Variants in ANKHD1 observed in about 807,000 individuals in gnomAD.
ANKHD1 encodes the protein ankyrin repeat and KH domain-containing protein 1.
A neutral mutation model predicts 230.5 loss-of-function variants in ANKHD1; 31 were observed. That is an observed-to-expected ratio of 0.13 (90% CI 0.10 to 0.18). The LOEUF (loss-of-function observed/expected upper bound fraction) is 0.18. Ranked by LOEUF, ANKHD1 falls within the 10% of genes least tolerant of loss-of-function variation. The pLI, the probability that ANKHD1 is intolerant of heterozygous loss-of-function variation, is 1.00. For missense variants in ANKHD1, 2,256 were observed against 3,071.3 expected, an observed-to-expected ratio of 0.73 and a Z score of 6.27; for synonymous variants, 1,074 against 1,117.6, an observed-to-expected ratio of 0.96 and a Z score of 0.78.
At chr5:140,451,006 G>A (rs767918091) in intron 7 of ANKHD1, among the ~76,000 whole-genome samples, 5 of 152,046 alleles carry the variant, frequency 3.3e-5, no homozygotes, top group Non-Finnish European at 7.4e-5. Context: ...ACAAAAATTA[G>A]CCAGGCGTGG....
At chr5:140,450,529 G>A (rs1337690355) in intron 7 of ANKHD1, among the ~76,000 whole-genome samples, 2 of 150,434 alleles carry the variant, frequency 1.3e-5, no homozygotes, top group African/African-American at 4.9e-5. Context: ...TTTTTCTATT[G>A]GTCTCTCTCT....
At position 140,539,338 on chromosome 5, in the gene ANKHD1, AT is replaced by A. The variant is rs1754207559; in HGVS notation, c.7570-16del. On this transcript the variant is annotated intron_variant, in intron 33 of 33. Transcript: ENST00000360839. ...TAAAGATTCCTAATTAGAAATTCCA[AT>A]TTTTCCTCCCCCTTTTCAGATTTGG... is the stretch of plus-strand genomic sequence containing the variant. 1 of 1,611,746 alleles carries A rather than the reference AT, an allele frequency of 6.2e-7. No homozygotes were observed. The highest frequency in any genetic ancestry group is 8.5e-7 in the Non-Finnish European group (1 of 1,179,376).
At chr5:140,460,646 A>G (rs1775636374) in intron 9 of ANKHD1, among the ~76,000 whole-genome samples, 1 of 152,062 alleles carries the variant, frequency 6.6e-6, no homozygotes, top group Non-Finnish European at 1.5e-5. Flanking sequence ...TCAGCCTCCC[A>G]GGTAGCTGGG....
rs772838208 is a variant in ANKHD1 at position 140,501,099 on chromosome 5, GT to G, written c.3005-3707del. Among the ~76,000 whole-genome samples, 1,244 of 136,926 alleles carry G rather than the reference GT, an allele frequency of 9.1e-3. 7 individuals carry two copies. Among genetic ancestry groups the G allele is most frequent in the African/African-American group, 0.03 (1,122 of 37,984 alleles). The allele number at this position is 136,926 out of a possible 152,430, so 89.8% of individuals were successfully genotyped here. On this transcript the variant is annotated intron_variant, in intron 15 of 33. Transcript: ENST00000360839. ...TTTAATATTTTATTTATAGGTTTTT[GT>G]TTTTTTTTTTTTTTGAGACGGAGTC...
intron 25 of ANKHD1, among the ~76,000 whole-genome samples, chr5:140,524,513 G>T (rs1370280538): frequency 6.6e-6 from 1 of 152,162 alleles, no homozygotes; most frequent in Non-Finnish European, 1.5e-5. Flanking sequence ...AAGCAATACA[G>T]TGAGAAGTTT....
chr5:140,504,971 G>A lies in ANKHD1; in HGVS notation c.3150+5G>A. ...TCAGTTGACATTGATGCACATGTGA[G>A]TAGATTGCTTTATTTAAACTTATTT... On this transcript the variant is annotated splice_donor_5th_base_variant and intron_variant, in intron 16 of 33. Coordinates refer to ENST00000360839, the MANE Select transcript of ANKHD1 (RefSeq NM_017747.3). The A allele has an allele frequency of 6.2e-7, 1 of 1,613,252 alleles. No homozygotes were observed. The highest frequency in any genetic ancestry group is 8.5e-7 in the Non-Finnish European group (1 of 1,179,824).
chr5:140,505,699 T>G, intron 17 of ANKHD1, 25 bp from the exon 18 acceptor site: 4 of 1,572,412 alleles, frequency 2.5e-6, no homozygotes, highest in Non-Finnish European at 3.4e-6. Flanking sequence ...ATAAATTTGT[T>G]TAAGATTTTC....
At chr5:140,439,912 A>G (rs995153712) in intron 3 of ANKHD1, among the ~76,000 whole-genome samples, 13 of 152,222 alleles carry the variant, frequency 8.5e-5, no homozygotes, top group Non-Finnish European at 1.6e-4. Flanking sequence ...GCTGGTTTCA[A>G]ATTCACTCAC....
At chr5:140,487,697 G>T (rs920770825) in intron 14 of ANKHD1, among the ~76,000 whole-genome samples, 1 of 152,094 alleles carries the variant, frequency 6.6e-6, no homozygotes, top group Non-Finnish European at 1.5e-5. Flanking sequence ...ATGTATAAAT[G>T]TACCTTCACT....
intron 4 of ANKHD1, 92 bp from the exon 5 acceptor site, chr5:140,440,903 G>C (rs1277050322): frequency 3.0e-6 from 4 of 1,337,350 alleles, no homozygotes; most frequent in Non-Finnish European, 3.8e-6. Flanking sequence ...CCCTATTCTA[G>C]AAGAATATCT....
Position 140,529,413 on chromosome 5 carries a change from C to G in ANKHD1, c.6467C>G (p.Pro2156Arg). The G allele has an allele frequency of 6.2e-7, 1 of 1,614,150 alleles. No homozygotes were observed. The highest frequency in any genetic ancestry group is 1.1e-5 in the South Asian group (1 of 91,084). ...MVPNATIHQD[P>R]QSIFVTNPVT... is the part of the protein sequence containing the mutation. ...CCAAATGCAACTATTCACCAGGATC[C>G]CCAGTCTATTTTTGTTACGAATCCA... Residue 2156 changes from proline to arginine, a missense_variant, in exon 29 of 34, where the codon CCC becomes CGC. Pro to Arg is a moderately radical substitution (Grantham distance 103, BLOSUM62 -2). Around this residue, in one of 13 missense-constraint regions of ANKHD1, gnomAD observed 778 missense variants for 966.5 expected, o/e 0.80. Coordinates refer to ENST00000360839, the MANE Select transcript of ANKHD1 (RefSeq NM_017747.3).
chr5:140,447,057 A>G (rs896650377), intron 6 of ANKHD1, among the ~76,000 whole-genome samples: 3 of 152,056 alleles, frequency 2.0e-5, no homozygotes, highest in Non-Finnish European at 4.4e-5. Context: ...TTACAGGTGC[A>G]TGCCACATGT....
At chr5:140,520,929 TA>T (rs370538341) in intron 24 of ANKHD1, among the ~76,000 whole-genome samples, 4,356 of 112,746 alleles carry the variant, frequency 0.039, 164 homozygotes, top group African/African-American at 0.12. Context: ...TAAAGTATAA[TA>T]AAAAAAAAAA....
chr5:140,425,224 A>G (rs1772307891), intron 1 of ANKHD1, among the ~76,000 whole-genome samples: 2 of 152,182 alleles, frequency 1.3e-5, no homozygotes, highest in African/African-American at 4.8e-5. Flanking sequence ...CATGAAGCTA[A>G]CCAATTTCAG....
intron 1 of ANKHD1, among the ~76,000 whole-genome samples, chr5:140,424,585 A>G (rs552977064): frequency 6.6e-6 from 1 of 152,370 alleles, no homozygotes; most frequent in South Asian, 2.1e-4. Flanking sequence ...GCCAAATCCT[A>G]AATAACTATA....
At chr5:140,405,284 G>T (rs1770343065) in intron 1 of ANKHD1, among the ~76,000 whole-genome samples, 1 of 152,134 alleles carries the variant, frequency 6.6e-6, no homozygotes, top group South Asian at 2.1e-4. Context: ...CTAAGATGAT[G>T]CTTAGTGGGT....
intron 1 of ANKHD1, among the ~76,000 whole-genome samples, chr5:140,427,712 T>A (rs1280118371): frequency 8.1e-6 from 1 of 122,906 alleles, no homozygotes; most frequent in Admixed American, 7.8e-5. Flanking sequence ...CACTTCCCAG[T>A]AGGGGCGGCC....
intron 24 of ANKHD1, among the ~76,000 whole-genome samples, chr5:140,521,224 A>G (rs1443810587): frequency 6.6e-6 from 1 of 152,212 alleles, no homozygotes; most frequent in African/African-American, 2.4e-5. Flanking sequence ...ATTTTGGTTT[A>G]AAAAAACTTC....
intron 22 of ANKHD1, among the ~76,000 whole-genome samples, chr5:140,510,975 C>A (rs1389544502): frequency 1.3e-5 from 2 of 151,986 alleles, no homozygotes; most frequent in East Asian, 3.9e-4. Flanking sequence ...GGTGTCACTA[C>A]CATGCTCAGA....
Sources: gnomAD v4.1 joint callset for allele counts (sites outside exome capture counted in the v4.1 genomes callset) on GRCh38, gnomAD v4.1.1 for gene constraint, gnomAD v4.1.1 regional missense constraint, MANE v1.5 for transcripts, NCBI Gene and HGNC (gene_info 2026-07-23, HGNC 2026-07-21) for gene names.